SHTN1: variants seen among roughly 807,000 people sequenced by gnomAD.
SHTN1 encodes shootin-1.
A neutral mutation model predicts 83.1 loss-of-function variants in SHTN1; 42 were observed. The observed-to-expected ratio is 0.51, with a 90% CI of 0.39 to 0.65. SHTN1 has a LOEUF of 0.65. Ranked by LOEUF, SHTN1 falls within the 30% of genes least tolerant of loss-of-function variation. The pLI, the probability that SHTN1 is intolerant of heterozygous loss-of-function variation, is 0.00. For synonymous variants in SHTN1, 224 were observed against 247.7 expected (o/e 0.90, Z 0.90); for missense variants, 622 against 737.8 (o/e 0.84, Z 1.82).
At chr10:117,071,183 TTC>T (rs1274572214) in intron 1 of SHTN1, among the ~76,000 whole-genome samples, 2 of 152,216 alleles carry the variant, frequency 1.3e-5, no homozygotes, top group Non-Finnish European at 2.9e-5. Context: ...TAAAGTAATT[TTC>T]TGTGCTCTCT....
At chr10:116,929,793 G>T in intron 10 of SHTN1, 56 bp downstream of exon 10, 1 of 1,230,162 alleles carries the variant, frequency 8.1e-7, no homozygotes. Context: ...TTTGTACTAG[G>T]CATGAGTAAT....
chr10:117,082,751 T>C lies in SHTN1; in HGVS notation c.-188-34241A>G, dbSNP rs897482120. Among the ~76,000 whole-genome samples the C allele has an allele frequency of 5.7e-4, 86 of 152,006 alleles. 1 individual carries two copies. Among genetic ancestry groups the C allele is most frequent in the African/African-American group, 2.0e-3 (81 of 41,508 alleles). Reference sequence around the variant, plus strand: ...TGGGTGCATATATATTTAGGATAGTTAGCTCTTCTTGTTGAATTGATTCCT... The same window carrying C: ...TGGGTGCATATATATTTAGGATAGTCAGCTCTTCTTGTTGAATTGATTCCT... On this transcript the variant is annotated intron_variant, in intron 1 of 17. Transcript: ENST00000392901.
Position 116,886,520 on chromosome 10 carries a change from T to C in SHTN1, c.1720A>G (p.Lys574Glu). The C allele has an allele frequency of 6.2e-7, 1 of 1,614,148 alleles. No individual in the cohort carries two copies. Among genetic ancestry groups the C allele is most frequent in the Non-Finnish European group, 8.5e-7 (1 of 1,180,040 alleles). ...GCRKKYIDGE[K>E]QAEPVVVLDP... ...AAAACTACAACTGGTTCGGCTTGTT[T>C]TTCACCGTCAATGTATTTTTTCCTG... is the stretch of plus-strand genomic sequence containing the variant. Residue 574 changes from lysine to glutamate, a missense_variant, in exon 17 of 17, where the codon AAA (lysine) becomes GAA (glutamate). Coordinates refer to ENST00000355371, the MANE Select transcript of SHTN1 (RefSeq NM_001127211.3).
intron 1 of SHTN1, among the ~76,000 whole-genome samples, chr10:117,057,019 G>A (rs10787749): frequency 0.65 from 99,157 of 151,930 alleles, 36,126 homozygotes; most frequent in Middle Eastern, 0.84. Flanking sequence ...TCTAGCTACC[G>A]CAATGAGGTA....
chr10:116,883,951 T>C lies in SHTN1; in HGVS notation c.*2393A>G, dbSNP rs1847092417. On this transcript the variant is annotated 3_prime_UTR_variant, in exon 17 of 17. Transcript: ENST00000355371. ...AAAGAGACATTTTCTTTTTCTTTAA[T>C]AGCAATGGCACAAAGTACCTCTATC... 4.2e-5 allele frequency: 8 copies of C among 190,834 alleles called. No homozygotes were observed. In the South Asian group the frequency reaches 5.9e-4, roughly 14 times the overall value. The allele number at this position is 190,834 out of a possible 1,614,324, so 11.8% of individuals were successfully genotyped here.
At chr10:116,920,796 C>T (rs1848534954) in intron 12 of SHTN1, among the ~76,000 whole-genome samples, 1 of 152,052 alleles carries the variant, frequency 6.6e-6, no homozygotes, top group Admixed American at 6.5e-5. Flanking sequence ...ATGCCAAGTT[C>T]CTTCCTGGAC....
intron 1 of SHTN1, among the ~76,000 whole-genome samples, chr10:117,078,371 C>A (rs919315562): frequency 1.3e-5 from 2 of 152,142 alleles, no homozygotes; most frequent in African/African-American, 2.4e-5. Context: ...GTGGCCACCA[C>A]TAGTTTTCCT....
Position 116,886,448 on chromosome 10 carries a change from C to T in SHTN1, c.1792G>A (p.Glu598Lys), listed in dbSNP as rs763899193. The T allele has an allele frequency of 1.2e-6, 2 of 1,612,808 alleles. No homozygotes were observed. The highest frequency in any genetic ancestry group is 2.2e-5 in the South Asian group (2 of 90,874). Residue 598 changes from glutamate (E) to lysine (K), a missense_variant, in exon 17 of 17, where the codon GAA (glutamate) becomes AAA (lysine). By Grantham distance (56) the Glu-to-Lys change is moderately conservative (BLOSUM62 1). This residue lies in a region of SHTN1 where 231 missense variants were observed against 251.6 expected (regional missense o/e 0.92). Transcript: ENST00000355371. ...HEPQTKDQVA[E>K]KDPTQHKEDE... ...TCCTTGTGTTGAGTTGGATCTTTTT[C>T]AGCAACCTGGTCTTTGGTTTGGGGT...
chr10:117,058,756 A>C (rs1325182139), intron 1 of SHTN1, among the ~76,000 whole-genome samples: 1 of 152,252 alleles, frequency 6.6e-6, no homozygotes, highest in Non-Finnish European at 1.5e-5. Context: ...CCATTGATAG[A>C]TGAATGCGCA....
At chr10:117,123,282 G>T (rs2058971593) in intron 1 of SHTN1, among the ~76,000 whole-genome samples, 1 of 152,102 alleles carries the variant, frequency 6.6e-6, no homozygotes, top group Non-Finnish European at 1.5e-5. Flanking sequence ...TTCTTTAAAA[G>T]GCAGGGGTTC....
At chr10:117,076,510 T>C (rs1367141975) in intron 1 of SHTN1, among the ~76,000 whole-genome samples, 3 of 152,182 alleles carry the variant, frequency 2.0e-5, no homozygotes, top group Non-Finnish European at 4.4e-5. Context: ...ATATTTAAAT[T>C]ATAACAGAAA....
chr10:116,915,129 G>A (rs945825200), intron 13 of SHTN1, among the ~76,000 whole-genome samples: 13 of 152,124 alleles, frequency 8.5e-5, no homozygotes, highest in South Asian at 4.1e-4. Context: ...GTAACAGTTC[G>A]TATCACTGTC....
intron 1 of SHTN1, among the ~76,000 whole-genome samples, chr10:117,069,645 A>AC (rs1389781112): frequency 3.3e-4 from 50 of 152,336 alleles, no homozygotes; most frequent in African/African-American, 1.0e-3. Context: ...TTACTATTAC[A>AC]TTTATAAAGT....
chr10:116,961,977 C>T (rs1317910026), intron 3 of SHTN1, among the ~76,000 whole-genome samples: 1 of 152,088 alleles, frequency 6.6e-6, no homozygotes, highest in African/African-American at 2.4e-5. Flanking sequence ...CATTATAACA[C>T]AATGGTCATG....
chr10:116,950,857 T>A (rs745453748), intron 6 of SHTN1, among the ~76,000 whole-genome samples: 40 of 152,276 alleles, frequency 2.6e-4, no homozygotes, highest in Non-Finnish European at 4.4e-4. Context: ...CTTTCCAACC[T>A]TTTTTACATC....
chr10:116,990,301 T>TC (rs1851381216), intron 1 of SHTN1, among the ~76,000 whole-genome samples: 1 of 149,582 alleles, frequency 6.7e-6, no homozygotes, highest in Middle Eastern at 3.4e-3. Context: ...TTTTTTTTTT[T>TC]TTTGGTGTGG....
intron 1 of SHTN1, among the ~76,000 whole-genome samples, chr10:117,122,469 G>A (rs911165397): frequency 6.6e-6 from 1 of 152,166 alleles, no homozygotes; most frequent in African/African-American, 2.4e-5. Flanking sequence ...GTGAGCCACT[G>A]CACCTGGCCC....
rs139964829 is a variant in SHTN1, at chr10:117,046,803, A to G, written c.-123+1642T>C. Among the ~76,000 whole-genome samples, 1,279 of 152,312 alleles carry G rather than the reference A, an allele frequency of 8.4e-3. 7 individuals carry two copies. The highest frequency in any genetic ancestry group is 0.017 in the Middle Eastern group (5 of 294). Reference sequence around the variant, plus strand: ...TAAAATGTCCAAAATAGGACAGTCCATAGAGACAATAATTAGATGAGTAGT... The same window carrying G: ...TAAAATGTCCAAAATAGGACAGTCCGTAGAGACAATAATTAGATGAGTAGT... On this transcript the variant is annotated intron_variant, in intron 2 of 17. Transcript: ENST00000392901.
chr10:117,042,390 T>C (rs1374685016), intron 2 of SHTN1, among the ~76,000 whole-genome samples: 2 of 152,188 alleles, frequency 1.3e-5, no homozygotes, highest in East Asian at 1.9e-4. Context: ...TTATCCTCCT[T>C]CTGCTCCCCT....
Sources: allele counts gnomAD v4.1 joint callset (sites outside exome capture counted in the v4.1 genomes callset), GRCh38; gene constraint gnomAD v4.1.1; regional missense constraint gnomAD v4.1.1; transcripts MANE v1.5; gene names NCBI Gene and HGNC (gene_info 2026-07-23, HGNC 2026-07-21).